The following TAF3 variants were observed in gnomAD, a reference collection of about 807,000 sequenced individuals.
TAF3 encodes the protein TATA-box binding protein associated factor 3.
TAF3 carries 7 observed loss-of-function variants against 80.6 expected under a neutral mutation model. The observed-to-expected ratio is 0.09, with a 90% CI of 0.05 to 0.16. The LOEUF (loss-of-function observed/expected upper bound fraction) is 0.16, where lower values mean the gene tolerates loss of function less well. Among genes scored for constraint, TAF3 ranks in the 10% least tolerant of loss-of-function variants. TAF3 has a pLI of 1.00. For synonymous variants in TAF3, 444 were observed against 446.1 expected (o/e 1.00, Z 0.06); for missense variants, 921 against 1,140.2 (o/e 0.81, Z 2.77).
In TAF3 at chr10:7,964,719, G is replaced by T; in HGVS notation, c.1209G>T (p.Glu403Asp). The change falls in exon 3 of 7, where the codon GAG becomes GAT. Residue 403 changes from glutamate (E) to aspartate (D), a missense_variant. By Grantham distance (45) the Glu-to-Asp change is conservative. Around this residue, in one of 6 missense-constraint regions of TAF3, gnomAD observed 743 missense variants for 821.0 expected, o/e 0.90. Transcript: ENST00000344293. The surrounding 1 kb of genome is among the most constrained non-coding windows in gnomAD (Gnocchi z 4.1). ...AVIARACAER[E>D]PDPFEFSSGS... ...TTGCACGAGCCTGTGCTGAGCGAGA[G>T]CCAGATCCTTTCGAATTTTCTTCTG... 3.1e-6 allele frequency: 5 copies of T among 1,614,190 alleles called. No homozygotes were observed. Among genetic ancestry groups the T allele is most frequent in the Non-Finnish European group, 2.5e-6 (3 of 1,180,050 alleles).
At chr10:7,942,577 G>A (rs1052775538) in intron 2 of TAF3, among the ~76,000 whole-genome samples, 1 of 152,190 alleles carries the variant, frequency 6.6e-6, no homozygotes, top group African/African-American at 2.4e-5. Flanking sequence ...GAAAACTTGA[G>A]GGAATCCAAG....
At chr10:7,841,598 G>T (rs1281299981) in intron 2 of TAF3, among the ~76,000 whole-genome samples, 7 of 152,046 alleles carry the variant, frequency 4.6e-5, no homozygotes, top group Non-Finnish European at 2.9e-5. Context: ...GGACTCAAGA[G>T]GAGATGTCAC....
chr10:7,930,280 G>A (rs1242173119), intron 2 of TAF3, among the ~76,000 whole-genome samples: 1 of 152,144 alleles, frequency 6.6e-6, no homozygotes, highest in Non-Finnish European at 1.5e-5. Context: ...GTAGGTAAGA[G>A]GTGGGTGGGT....
intron 2 of TAF3, among the ~76,000 whole-genome samples, chr10:7,914,202 C>T (rs1467841955): frequency 6.6e-6 from 1 of 152,076 alleles, no homozygotes; most frequent in Admixed American, 6.6e-5. Flanking sequence ...TCTTAAAATA[C>T]CTTTTCTATT....
intron 2 of TAF3, among the ~76,000 whole-genome samples, chr10:7,935,550 C>G (rs954860550): frequency 1.3e-5 from 2 of 152,152 alleles, no homozygotes; most frequent in Admixed American, 1.3e-4. Context: ...CGCCACTGCA[C>G]TCCAGCCTGA....
chr10:7,945,440 C>T (rs1459293033), intron 2 of TAF3, among the ~76,000 whole-genome samples: 3 of 152,144 alleles, frequency 2.0e-5, no homozygotes, highest in Non-Finnish European at 2.9e-5. Flanking sequence ...TCTTGTTTAC[C>T]TGCATAGTGA....
intron 2 of TAF3, among the ~76,000 whole-genome samples, chr10:7,920,223 C>A (rs530895264): frequency 6.6e-6 from 1 of 151,500 alleles, no homozygotes; most frequent in African/African-American, 2.4e-5. Context: ...CACTGCACTC[C>A]GGCCTGCGCG....
At chr10:7,825,847 T>G (rs941742117) in intron 2 of TAF3, among the ~76,000 whole-genome samples, 1 of 152,204 alleles carries the variant, frequency 6.6e-6, no homozygotes, top group African/African-American at 2.4e-5. Flanking sequence ...CAGGTGTTTT[T>G]TTTTGGGTCT....
In TAF3 at chr10:7,965,050, A is replaced by C; in HGVS notation, c.1540A>C (p.Lys514Gln). The C allele has an allele frequency of 6.2e-7, 1 of 1,614,084 alleles. No individual in the cohort carries two copies. The highest frequency in any genetic ancestry group is 8.5e-7 in the Non-Finnish European group (1 of 1,180,038). ...PLHKVYEEKTKLPSSVEVKKK... is the reference protein window; with the variant it reads ...PLHKVYEEKTQLPSSVEVKKK... Reference sequence around the variant, plus strand: ...CCACAAGGTGTATGAGGAGAAAACCAAGCTGCCTTCCTCCGTGGAGGTAAA... The same window carrying C: ...CCACAAGGTGTATGAGGAGAAAACCCAGCTGCCTTCCTCCGTGGAGGTAAA... The change falls in exon 3 of 7, where the codon AAG becomes CAG. Residue 514 changes from lysine (K) to glutamine (Q), a missense_variant. This residue lies in a region of TAF3 where 743 missense variants were observed against 821.0 expected (regional missense o/e 0.90). Transcript: ENST00000344293.
At chr10:7,940,195 T>C (rs901650541) in intron 2 of TAF3, among the ~76,000 whole-genome samples, 26 of 152,184 alleles carry the variant, frequency 1.7e-4, no homozygotes, top group Non-Finnish European at 4.4e-5. Context: ...TTAAATTCTA[T>C]TTTCAACCAC....
At chr10:7,865,595 C>T (rs894700901) in intron 2 of TAF3, among the ~76,000 whole-genome samples, 2 of 152,244 alleles carry the variant, frequency 1.3e-5, no homozygotes, top group African/African-American at 4.8e-5. Flanking sequence ...GGCGTAGTAA[C>T]AGGCCTGCGT....
chr10:7,844,372 C>G (rs191901105), intron 2 of TAF3, among the ~76,000 whole-genome samples: 1,664 of 142,996 alleles, frequency 0.012, 24 homozygotes, highest in African/African-American at 0.039. Flanking sequence ...TCTTCTTCTT[C>G]TTGTTCTTTT....
At chr10:7,988,964 T>G (rs1054867379) in intron 4 of TAF3, among the ~76,000 whole-genome samples, 3 of 152,164 alleles carry the variant, frequency 2.0e-5, no homozygotes, top group Admixed American at 6.5e-5. Context: ...AAAAAATGTG[T>G]GTCCTATTTG....
intron 1 of TAF3, among the ~76,000 whole-genome samples, chr10:7,823,980 A>G (rs981636048): frequency 6.6e-6 from 1 of 150,796 alleles, no homozygotes; most frequent in Non-Finnish European, 1.5e-5. Context: ...CTATTTTATT[A>G]TTATTATTTT....
intron 2 of TAF3, among the ~76,000 whole-genome samples, chr10:7,957,060 A>G (rs550740782): frequency 2.6e-4 from 39 of 152,286 alleles, no homozygotes; most frequent in Non-Finnish European, 5.1e-4. Context: ...ACATTCTCAC[A>G]CGTGGGAAAA....
At chr10:7,825,062 G>T (rs894681486) in intron 2 of TAF3, among the ~76,000 whole-genome samples, 2 of 152,250 alleles carry the variant, frequency 1.3e-5, no homozygotes, top group Non-Finnish European at 2.9e-5. Flanking sequence ...TAGAACTTTT[G>T]ATTATAAAAT....
At chr10:7,935,323 C>T (rs1024076088) in intron 2 of TAF3, among the ~76,000 whole-genome samples, 9 of 151,722 alleles carry the variant, frequency 5.9e-5, no homozygotes, top group African/African-American at 1.9e-4. Flanking sequence ...AGCGGCCAGG[C>T]GCGGTGGCTT....
chr10:7,827,042 G>A (rs1177347004), intron 2 of TAF3, among the ~76,000 whole-genome samples: 2 of 152,092 alleles, frequency 1.3e-5, no homozygotes, highest in African/African-American at 4.8e-5. Context: ...CCTTCCATGG[G>A]GTTCCCTCTT....
At chr10:7,840,685 A>G (rs1374808675) in intron 2 of TAF3, among the ~76,000 whole-genome samples, 2 of 152,140 alleles carry the variant, frequency 1.3e-5, no homozygotes, top group African/African-American at 4.8e-5. Context: ...TGGCTGGCTC[A>G]GTGTAAGACC....
Sources: gnomAD v4.1 joint callset for allele counts (sites outside exome capture counted in the v4.1 genomes callset) on GRCh38, gnomAD v4.1.1 for gene constraint, gnomAD v4.1.1 regional missense constraint, Gnocchi (gnomAD v3.1) non-coding constraint, MANE v1.5 for transcripts, NCBI Gene and HGNC (gene_info 2026-07-23, HGNC 2026-07-21) for gene names.